The following ABCA12 variants were observed in gnomAD, a reference collection of about 807,000 sequenced individuals.
ABCA12 encodes the protein glucosylceramide transporter ABCA12.
Under a neutral mutation model 293.5 loss-of-function variants are expected in ABCA12, and 156 were observed. The ratio of observed to expected loss-of-function variants is 0.53; its 90% CI spans 0.47 to 0.61. ABCA12 has a LOEUF of 0.61. Among genes scored for constraint, ABCA12 ranks in the 20% least tolerant of loss-of-function variants. The pLI, the probability that ABCA12 is intolerant of heterozygous loss-of-function variation, is 0.00. For synonymous variants in ABCA12, 1,063 were observed against 1,108.0 expected (o/e 0.96, Z 0.81); for missense variants, 2,797 against 3,090.2 (o/e 0.91, Z 2.25).
At chr2:214,988,503 CAT>C (rs1195445841) in intron 26 of ABCA12, among the ~76,000 whole-genome samples, 3 of 152,164 alleles carry the variant, frequency 2.0e-5, no homozygotes, top group Non-Finnish European at 4.4e-5. Context: ...TAAATGAAAT[CAT>C]ATTCTTTTAT....
chr2:214,944,968 G>A, intron 49 of ABCA12, 33 bp downstream of exon 49: 5 of 1,578,036 alleles, frequency 3.2e-6, no homozygotes, highest in Non-Finnish European at 4.4e-6. Flanking sequence ...CTAAGACTGT[G>A]TGGATTCGCT....
At chr2:215,049,051 A>G (rs1371960283) in intron 6 of ABCA12, among the ~76,000 whole-genome samples, 2 of 152,174 alleles carry the variant, frequency 1.3e-5, no homozygotes, top group Non-Finnish European at 2.9e-5. Flanking sequence ...ATAACTACTG[A>G]GTACTAGGCT....
rs749619635 is a variant in ABCA12 at position 215,011,889 on chromosome 2, C to T, written c.2121+82G>A. The T allele has an allele frequency of 2.4e-5, 30 of 1,248,472 alleles. No homozygotes were observed. The African/African-American group carries it at 3.4e-4, about 14-fold the overall frequency. 77.3% of individuals were successfully genotyped at this position (1,248,472 alleles called of 1,614,324 possible). On this transcript the variant is annotated intron_variant, in intron 16 of 52. Transcript: ENST00000272895. ...TGTTTTTTTTTTTTTCAATGTACTA[C>T]GATTGAAGCTGAATGTATTATAACT...
chr2:215,032,012 A>T (rs75199998), intron 8 of ABCA12, 116 bp from the exon 9 acceptor site: 1 of 1,567,124 alleles, frequency 6.4e-7, no homozygotes, highest in Non-Finnish European at 8.6e-7. Flanking sequence ...AAATCTGCAG[A>T]ATCATTCTCA....
intron 33 of ABCA12, among the ~76,000 whole-genome samples, chr2:214,976,483 T>G (rs1239436746): frequency 6.6e-6 from 1 of 152,180 alleles, no homozygotes; most frequent in African/African-American, 2.4e-5. Flanking sequence ...CAACCTAATC[T>G]AACAATTTGT....
Position 215,019,761 on chromosome 2 carries a change from A to G in ABCA12, c.1323T>C (p.Cys441=), listed in dbSNP as rs1350619112. The part of the protein sequence containing the change: ...SQLRNLTELL[C]ESETFSLIEK... ...CTATCAAACTGAAAGTTTCAGATTCACAAAGAAGTTCGGTCAAGTTTCGAA... is the reference window on the plus strand; with the variant it reads ...CTATCAAACTGAAAGTTTCAGATTCGCAAAGAAGTTCGGTCAAGTTTCGAA... The change falls in exon 12 of 53, where the codon TGT becomes TGC. Residue 441 remains cysteine (C), a synonymous_variant. Transcript: ENST00000272895. 1 of 1,613,768 alleles carries G rather than the reference A, an allele frequency of 6.2e-7. No homozygotes were observed. Among genetic ancestry groups the G allele is most frequent in the Non-Finnish European group, 8.5e-7 (1 of 1,180,030 alleles).
In ABCA12 at chr2:215,031,990, G is replaced by A. The variant is rs1283224279; in HGVS notation, c.986-94C>T. 5.6e-6 allele frequency: 9 copies of A among 1,593,618 alleles called. No individual in the cohort carries two copies. In the South Asian group the frequency reaches 7.8e-5, roughly 14 times the overall value. On this transcript the variant is annotated intron_variant, in intron 8 of 52. Transcript: ENST00000272895. ...AACCATCCCAGGTCAAATTAATGAGGAGAAAATGCAGAAATCTGCAGAATC... is the reference window on the plus strand; with the variant it reads ...AACCATCCCAGGTCAAATTAATGAGAAGAAAATGCAGAAATCTGCAGAATC...
intron 3 of ABCA12, 126 bp from the exon 4 acceptor site, chr2:215,054,790 TTAA>T: frequency 2.8e-6 from 2 of 708,078 alleles, no homozygotes; most frequent in Non-Finnish European, 5.0e-6. Flanking sequence ...TTCCAGGATT[TTAA>T]TGGAAGAATT....
intron 16 of ABCA12, 40 bp from the exon 17 acceptor site, chr2:215,011,689 G>GT: frequency 1.9e-6 from 3 of 1,577,134 alleles, no homozygotes; most frequent in Non-Finnish European, 2.6e-6. Flanking sequence ...CACTATATGA[G>GT]CTTTAGAAGC....
chr2:215,116,472 G>A (rs1230682856), intron 1 of ABCA12, among the ~76,000 whole-genome samples: 3 of 152,164 alleles, frequency 2.0e-5, no homozygotes, highest in African/African-American at 7.2e-5. Flanking sequence ...ATAGAAGGGT[G>A]ATGGATTTAC....
chr2:215,063,960 G>T, intron 3 of ABCA12, 106 bp downstream of exon 3: 1 of 1,447,584 alleles, frequency 6.9e-7, no homozygotes, highest in Non-Finnish European at 9.7e-7. Flanking sequence ...TATAGACAGA[G>T]AAAACAAAAT....
chr2:215,015,645 A>AG lies in ABCA12; in HGVS notation c.1800dup (p.Trp601LeufsTer6), dbSNP rs1559147578. ...ATATTAGTATCACAGGAATGCAGCC[A>AG]GAACACCTGAGAAATAATCTGCAAA... On this transcript the variant is annotated frameshift_variant, in exon 15 of 53. Coordinates refer to ENST00000272895, the MANE Select transcript of ABCA12 (RefSeq NM_173076.3). LOFTEE classifies it high-confidence loss of function. 1 of 1,614,066 alleles carries AG rather than the reference A, an allele frequency of 6.2e-7. No individual in the cohort carries two copies. The highest frequency in any genetic ancestry group is 1.7e-4 in the Middle Eastern group (1 of 6,058).
At chr2:214,989,953 CA>C (rs1699878494) in intron 24 of ABCA12, among the ~76,000 whole-genome samples, 1 of 151,860 alleles carries the variant, frequency 6.6e-6, no homozygotes, top group African/African-American at 2.4e-5. Flanking sequence ...TAAAATTTAC[CA>C]AAAATGTTAA....
At chr2:215,014,570 TAA>T (rs1271642694) in intron 15 of ABCA12, among the ~76,000 whole-genome samples, 1 of 152,084 alleles carries the variant, frequency 6.6e-6, no homozygotes, top group Non-Finnish European at 1.5e-5. Context: ...AAGGGTGATA[TAA>T]TGAGACTTTA....
chr2:214,971,675 A>G (rs748538002), intron 36 of ABCA12, among the ~76,000 whole-genome samples: 12 of 152,182 alleles, frequency 7.9e-5, no homozygotes, highest in Non-Finnish European at 1.3e-4. Flanking sequence ...TCGATCAATC[A>G]TTCTCATTTT....
At position 214,956,666 on chromosome 2, in the gene ABCA12, A is replaced by C; in HGVS notation, c.6230T>G (p.Phe2077Cys). 1 of 1,610,888 alleles carries C rather than the reference A, an allele frequency of 6.2e-7. No individual in the cohort carries two copies. The highest frequency in any genetic ancestry group is 8.5e-7 in the Non-Finnish European group (1 of 1,177,304). Residue 2077 changes from phenylalanine (F) to cysteine (C), a missense_variant, in exon 42 of 53, where the codon TTT (phenylalanine) becomes TGT (cysteine). Transcript: ENST00000272895. ...LGAVSLLLLL[F>C]GYATFSWMYL... is the part of the protein sequence containing the mutation. ...CATTGCTTAATCAGCAGCTTACCCA[A>C]ACAGGAGAAGTAGGAGAGATACAGC...
intron 38 of ABCA12, among the ~76,000 whole-genome samples, chr2:214,967,268 C>A (rs971383772): frequency 2.6e-5 from 4 of 152,202 alleles, no homozygotes; most frequent in African/African-American, 9.6e-5. Context: ...GTGGCAGATC[C>A]ATGGGATTCT....
chr2:215,077,856 A>G (rs533907049), intron 2 of ABCA12, among the ~76,000 whole-genome samples: 3 of 152,294 alleles, frequency 2.0e-5, no homozygotes, highest in South Asian at 4.1e-4. Context: ...TTTATCTATT[A>G]TTAAATTATA....
chr2:215,085,691 G>GTCAT (rs1204773173), intron 2 of ABCA12, among the ~76,000 whole-genome samples: 9 of 152,174 alleles, frequency 5.9e-5, no homozygotes, highest in South Asian at 4.1e-4. Context: ...AACATGGGAT[G>GTCAT]TCATTCATTC....
Sources: allele counts gnomAD v4.1 joint callset (sites outside exome capture counted in the v4.1 genomes callset), GRCh38; gene constraint gnomAD v4.1.1; transcripts MANE v1.5; gene names NCBI Gene and HGNC (gene_info 2026-07-23, HGNC 2026-07-21).